DROSHA: variants seen among roughly 807,000 people sequenced by gnomAD.
The protein encoded by DROSHA is drosha ribonuclease III.
DROSHA carries 56 observed loss-of-function variants against 181.9 expected under a neutral mutation model. The ratio of observed to expected loss-of-function variants is 0.31; its 90% confidence interval spans 0.25 to 0.38. DROSHA has a LOEUF of 0.38. DROSHA is among the 10% of genes least tolerant of loss of function. DROSHA has a pLI of 1.00. For missense variants in DROSHA, 1,218 were observed against 1,743.5 expected (o/e 0.70, Z 5.37); for synonymous variants, 524 against 591.2 (o/e 0.89, Z 1.65).
intron 5 of DROSHA, among the ~76,000 whole-genome samples, chr5:31,522,519 T>G (rs1740008177): frequency 6.6e-6 from 1 of 152,218 alleles, no homozygotes; most frequent in African/African-American, 2.4e-5. Flanking sequence ...TGATGACTGG[T>G]ACCTCTGAGT....
Position 31,410,893 on chromosome 5 carries a change from C to T in DROSHA, c.3526-6G>A. ...ACCAAAGAGCTTCGCAACAACTGCCCAAAAGGAATGGCGGTACATTGAGAA... is the reference window on the plus strand; with the variant it reads ...ACCAAAGAGCTTCGCAACAACTGCCTAAAAGGAATGGCGGTACATTGAGAA... On this transcript the variant is annotated splice_polypyrimidine_tract_variant and splice_region_variant and intron_variant, in intron 30 of 35. Transcript: ENST00000344624. The T allele has an allele frequency of 1.2e-6, 2 of 1,613,756 alleles. No individual in the cohort carries two copies. Among genetic ancestry groups the T allele is most frequent in the Non-Finnish European group, 1.7e-6 (2 of 1,179,756 alleles).
chr5:31,449,915 A>G (rs903896464), intron 21 of DROSHA, among the ~76,000 whole-genome samples: 1 of 152,230 alleles, frequency 6.6e-6, no homozygotes, highest in Non-Finnish European at 1.5e-5. Context: ...TATATCCAAC[A>G]AAGGACTAAT....
At chr5:31,501,696 G>C (rs549667664) in intron 11 of DROSHA, among the ~76,000 whole-genome samples, 3 of 152,296 alleles carry the variant, frequency 2.0e-5, no homozygotes, top group Admixed American at 6.5e-5. Context: ...AGTTTAGCTA[G>C]AGCAGATATA....
At chr5:31,474,553 A>G (rs934198540) in intron 16 of DROSHA, among the ~76,000 whole-genome samples, 2 of 152,008 alleles carry the variant, frequency 1.3e-5, no homozygotes, top group African/African-American at 4.8e-5. Flanking sequence ...TTGTAGAGAC[A>G]GGGTCTAATT....
chr5:31,461,109 C>T (rs192919918), intron 20 of DROSHA, among the ~76,000 whole-genome samples: 6 of 152,242 alleles, frequency 3.9e-5, no homozygotes, highest in South Asian at 2.1e-4. Flanking sequence ...CCTAAAAATA[C>T]GACCAAAACA....
At chr5:31,405,791 T>G in intron 34 of DROSHA, 68 bp from the exon 35 acceptor site, 2 of 1,121,842 alleles carry the variant, frequency 1.8e-6, no homozygotes, top group Non-Finnish European at 1.2e-6. Context: ...TTTTTTTTTT[T>G]CAAAAAATGC....
At chr5:31,418,465 C>T (rs577889320) in intron 30 of DROSHA, among the ~76,000 whole-genome samples, 12 of 152,008 alleles carry the variant, frequency 7.9e-5, no homozygotes, top group African/African-American at 2.2e-4. Context: ...GATGGAGTCT[C>T]ATTATGTTGC....
At position 31,480,178 on chromosome 5, in the gene DROSHA, GTATATATA is replaced by G. The variant is rs55828936; in HGVS notation, c.2071+3368_2071+3375del. ...GCCCGTTTTTCTATTGGCAATGTCA[GTATATATA>G]TATATATATATATATATACTGAAAA... On this transcript the variant is annotated intron_variant, in intron 16 of 35. Transcript: ENST00000344624. Among the ~76,000 whole-genome samples, 64 of 84,896 alleles carry G rather than the reference GTATATATA, an allele frequency of 7.5e-4. 4 individuals carry two copies. The highest frequency in any genetic ancestry group is 7.5e-3 in the South Asian group (16 of 2,142). 55.7% of individuals were successfully genotyped at this position (84,896 alleles called of 152,430 possible).
intron 21 of DROSHA, 105 bp downstream of exon 21, chr5:31,451,428 C>A (rs1747029286): frequency 1.1e-6 from 1 of 950,608 alleles, no homozygotes; most frequent in African/African-American, 1.6e-5. Flanking sequence ...TTCTAACAAT[C>A]CTTGTCACAT....
chr5:31,451,998 A>G (rs549733663), intron 20 of DROSHA, among the ~76,000 whole-genome samples: 2 of 152,296 alleles, frequency 1.3e-5, no homozygotes, highest in Admixed American at 6.5e-5. Context: ...GGAAATACAA[A>G]AATCTTCTTA....
At chr5:31,405,762 AGATTCT>A in intron 34 of DROSHA, 39 bp from the exon 35 acceptor site, 1 of 1,018,792 alleles carries the variant, frequency 9.8e-7, no homozygotes, top group Non-Finnish European at 1.4e-6. Flanking sequence ...TTTAATTTCA[AGATTCT>A]TTTTTTTTTT....
chr5:31,401,490 C>T lies in DROSHA; in HGVS notation c.4067G>A (p.Arg1356Lys). ...RKYRQELKEM[R>K]WEREHQEREP... ...TCTCTCTTGATGCTCTCTTTCCCAC[C>T]TCATTTCTTTTAACTCTTGTCTGTA... Residue 1356 changes from arginine (R) to lysine (K), a missense_variant, in exon 36 of 36, where the codon AGG becomes AAG. By Grantham distance (26) the Arg-to-Lys change is conservative (BLOSUM62 2). Around this residue, in one of 8 missense-constraint regions of DROSHA, gnomAD observed 32 missense variants for 29.2 expected, o/e 1.09. Coordinates refer to ENST00000344624, the MANE Select transcript of DROSHA (RefSeq NM_001382508.1). The T allele has an allele frequency of 6.2e-7, 1 of 1,613,064 alleles. No homozygotes were observed. The highest frequency in any genetic ancestry group is 8.5e-7 in the Non-Finnish European group (1 of 1,179,378).
chr5:31,413,501 T>C (rs113939874), intron 30 of DROSHA, among the ~76,000 whole-genome samples: 59 of 152,332 alleles, frequency 3.9e-4, no homozygotes, highest in African/African-American at 1.4e-3. Context: ...CCAAAGAACA[T>C]GACCCAGGGG....
intron 34 of DROSHA, among the ~76,000 whole-genome samples, chr5:31,406,197 GAGT>G (rs1740632268): frequency 6.6e-6 from 1 of 152,106 alleles, no homozygotes; most frequent in South Asian, 2.1e-4. Context: ...CAGCTCAGGT[GAGT>G]AGTAGTAAAT....
At chr5:31,433,607 C>T (rs183950623) in intron 25 of DROSHA, among the ~76,000 whole-genome samples, 236 of 152,214 alleles carry the variant, frequency 1.6e-3, no homozygotes, top group Admixed American at 4.3e-3. Flanking sequence ...TGCAGTGGCA[C>T]AATCTAGGCT....
At chr5:31,528,982 A>C in intron 4 of DROSHA, 58 bp downstream of exon 4, 1 of 1,604,416 alleles carries the variant, frequency 6.2e-7, no homozygotes, top group Middle Eastern at 1.7e-4. Context: ...GCCCAGCACC[A>C]ATGTCTGCTC....
At chr5:31,402,987 T>C (rs1427730043) in intron 35 of DROSHA, among the ~76,000 whole-genome samples, 1 of 152,150 alleles carries the variant, frequency 6.6e-6, no homozygotes, top group Non-Finnish European at 1.5e-5. Flanking sequence ...TTCGCCATGC[T>C]GGCCAGGCTG....
intron 20 of DROSHA, among the ~76,000 whole-genome samples, chr5:31,461,446 T>C (rs1277461708): frequency 6.6e-6 from 1 of 152,156 alleles, no homozygotes; most frequent in Non-Finnish European, 1.5e-5. Flanking sequence ...AAGATGTATC[T>C]GTAGAAAGGA....
chr5:31,440,114 G>A (rs1745390790), intron 23 of DROSHA, among the ~76,000 whole-genome samples: 1 of 151,902 alleles, frequency 6.6e-6, no homozygotes. Context: ...CTGCACAACT[G>A]TACCATGCAC....
Sources: gnomAD v4.1 joint callset for allele counts (sites outside exome capture counted in the v4.1 genomes callset) on GRCh38, gnomAD v4.1.1 for gene constraint, gnomAD v4.1.1 regional missense constraint, MANE v1.5 for transcripts, NCBI Gene and HGNC (gene_info 2026-07-23, HGNC 2026-07-21) for gene names.